The following CNTNAP2 variants were observed in gnomAD, a reference collection of about 807,000 sequenced individuals.
CNTNAP2 encodes the protein contactin-associated protein-like 2.
In CNTNAP2, 98 loss-of-function variants were observed where a neutral mutation model predicts 155.2. The ratio of observed to expected loss-of-function variants is 0.63; its 90% CI spans 0.54 to 0.75. The LOEUF is 0.75. Ranked by LOEUF, CNTNAP2 falls within the 30% of genes least tolerant of loss-of-function variation. CNTNAP2 has a pLI of 0.00. For missense variants in CNTNAP2, 1,727 were observed against 1,688.1 expected, an observed-to-expected ratio of 1.02 and a Z score of -0.40; for synonymous variants, 651 against 631.2, an observed-to-expected ratio of 1.03 and a Z score of -0.47.
intron 1 of CNTNAP2, among the ~76,000 whole-genome samples, chr7:146,437,788 AT>A (rs2129118588): frequency 6.6e-6 from 1 of 151,588 alleles, no homozygotes; most frequent in Non-Finnish European, 1.5e-5. Context: ...GGGCACTCAA[AT>A]TTGTGAGGAG....
intron 2 of CNTNAP2, among the ~76,000 whole-genome samples, chr7:146,832,421 C>T (rs1198644981): frequency 6.6e-6 from 1 of 150,620 alleles, no homozygotes; most frequent in Non-Finnish European, 1.5e-5. Flanking sequence ...CTTTTAACTA[C>T]TGCAAATTTT....
chr7:146,256,606 A>G (rs1799841560), intron 1 of CNTNAP2, among the ~76,000 whole-genome samples: 1 of 151,986 alleles, frequency 6.6e-6, no homozygotes, highest in Non-Finnish European at 1.5e-5. Context: ...CAATAACTAT[A>G]TGTTAGTATC....
chr7:146,141,328 C>T (rs1279475077), intron 1 of CNTNAP2, among the ~76,000 whole-genome samples: 2 of 151,994 alleles, frequency 1.3e-5, no homozygotes, highest in African/African-American at 2.4e-5. Flanking sequence ...ATATATTATT[C>T]GTGTAGATCA....
chr7:147,632,722 T>C (rs1391594772), intron 12 of CNTNAP2, among the ~76,000 whole-genome samples: 1 of 152,130 alleles, frequency 6.6e-6, no homozygotes, highest in East Asian at 1.9e-4. Flanking sequence ...TGGAACTGGG[T>C]AACAGGAAGA....
rs7804071 is a variant in CNTNAP2 at position 148,115,954 on chromosome 7, T to C, written c.2384-2164T>C. 0.024 allele frequency among the ~76,000 whole-genome samples: 3,701 copies of C among 151,762 alleles called. 273 individuals carry two copies. In the East Asian group the frequency reaches 0.28, roughly 11 times the overall value. On this transcript the variant is annotated intron_variant, in intron 15 of 23. Transcript: ENST00000361727. Reference sequence around the variant, plus strand: ...AGGAGTTCGAGACCAGCCTGACCAATATGGTGAAACCCCGTCTCTACTAAA... The same window carrying C: ...AGGAGTTCGAGACCAGCCTGACCAACATGGTGAAACCCCGTCTCTACTAAA...
chr7:146,721,591 T>C (rs1305534745), intron 1 of CNTNAP2, among the ~76,000 whole-genome samples: 1 of 123,864 alleles, frequency 8.1e-6, no homozygotes, highest in Non-Finnish European at 1.6e-5. Flanking sequence ...ATTCTATATA[T>C]ATATTCTATA....
chr7:147,588,482 A>G (rs1769763658), intron 12 of CNTNAP2, among the ~76,000 whole-genome samples: 1 of 152,200 alleles, frequency 6.6e-6, no homozygotes, highest in Non-Finnish European at 1.5e-5. Context: ...CACCCCTTCC[A>G]GCTATAGTAC....
chr7:146,643,884 G>T (rs1799760258), intron 1 of CNTNAP2, among the ~76,000 whole-genome samples: 2 of 151,614 alleles, frequency 1.3e-5, no homozygotes, highest in Non-Finnish European at 1.5e-5. Flanking sequence ...CACGTCTCTT[G>T]TAAGTTGGAT....
At chr7:147,085,732 A>G (rs1264025549) in intron 4 of CNTNAP2, 1 of 152,176 alleles carries the variant, frequency 6.6e-6, no homozygotes, top group African/African-American at 2.4e-5. Flanking sequence ...ATATTTTTAA[A>G]TTCTCTTCAT....
At chr7:146,163,585 C>CTATCTATCTATCTATA (rs1354076042) in intron 1 of CNTNAP2, among the ~76,000 whole-genome samples, 2 of 91,224 alleles carry the variant, frequency 2.2e-5, no homozygotes, top group African/African-American at 8.0e-5. Flanking sequence ...ATCTATCTAT[C>CTATCTATCTATCTATA]TATATATATA....
At chr7:146,561,138 G>C (rs1013706309) in intron 1 of CNTNAP2, among the ~76,000 whole-genome samples, 1 of 152,118 alleles carries the variant, frequency 6.6e-6, no homozygotes, top group Non-Finnish European at 1.5e-5. Flanking sequence ...ATCCTTAAGA[G>C]TGCCTTCTAC....
At chr7:147,379,232 C>T (rs1379073090) in intron 9 of CNTNAP2, among the ~76,000 whole-genome samples, 1 of 152,078 alleles carries the variant, frequency 6.6e-6, no homozygotes, top group Non-Finnish European at 1.5e-5. Flanking sequence ...CAGCCTATTA[C>T]AGTATATCTT....
chr7:146,720,978 C>CGA (rs1801282328), intron 1 of CNTNAP2, among the ~76,000 whole-genome samples: 1 of 121,944 alleles, frequency 8.2e-6, no homozygotes, highest in African/African-American at 3.7e-5. Context: ...TATATATAGA[C>CGA]TATATATACT....
At chr7:146,440,394 A>T (rs1796304474) in intron 1 of CNTNAP2, among the ~76,000 whole-genome samples, 1 of 151,550 alleles carries the variant, frequency 6.6e-6, no homozygotes, top group Non-Finnish European at 1.5e-5. Context: ...TAGATCACGT[A>T]TTTCTTTTAC....
intron 15 of CNTNAP2, among the ~76,000 whole-genome samples, chr7:148,055,821 T>C (rs1291750332): frequency 6.6e-6 from 1 of 152,186 alleles, no homozygotes; most frequent in Non-Finnish European, 1.5e-5. Flanking sequence ...TCACCATTCC[T>C]ATCGCCTTCT....
chr7:146,721,698 T>G (rs1801325406), intron 1 of CNTNAP2, among the ~76,000 whole-genome samples: 1 of 113,440 alleles, frequency 8.8e-6, no homozygotes, highest in Non-Finnish European at 1.6e-5. Context: ...TATATATATA[T>G]TCTATATACA....
chr7:147,135,337 T>G (rs2129285912), intron 8 of CNTNAP2, among the ~76,000 whole-genome samples: 1 of 151,856 alleles, frequency 6.6e-6, no homozygotes, highest in South Asian at 2.1e-4. Context: ...ATCAACGTTT[T>G]CTGATGGATA....
rs533552857 is a variant in CNTNAP2 at position 146,328,159 on chromosome 7, A to C, written c.97+211186A>C. On this transcript the variant is annotated intron_variant, in intron 1 of 23. Transcript: ENST00000361727. ...GATCAACGATGGCATTTAGATTCTC[A>C]TAGGAGCACGAACCCTATGGTGAAC... 7.2e-5 allele frequency among the ~76,000 whole-genome samples: 11 copies of C among 152,282 alleles called. No individual in the cohort carries two copies. In the South Asian group the frequency reaches 2.3e-3, roughly 32 times the overall value.
chr7:147,648,870 C>G (rs1173092720), intron 13 of CNTNAP2, among the ~76,000 whole-genome samples: 3 of 152,156 alleles, frequency 2.0e-5, no homozygotes, highest in Admixed American at 2.0e-4. Context: ...TATTAAAAAC[C>G]TTTCTGACAC....
Sources: gnomAD v4.1 joint callset for allele counts (sites outside exome capture counted in the v4.1 genomes callset) on GRCh38, gnomAD v4.1.1 for gene constraint, MANE v1.5 for transcripts, NCBI Gene and HGNC (gene_info 2026-07-23, HGNC 2026-07-21) for gene names.